PRR5: variants seen among roughly 807,000 people sequenced by gnomAD.
The protein encoded by PRR5 is proline-rich protein 5.
PRR5 carries 25 observed loss-of-function variants against 30.6 expected under a neutral mutation model. The ratio of observed to expected loss-of-function variants is 0.82; its 90% CI spans 0.60 to 1.14. The LOEUF (loss-of-function observed/expected upper bound fraction) is 1.14, where lower values mean the gene tolerates loss of function less well. Ranked by LOEUF, PRR5 falls within the 50% of genes most tolerant of loss-of-function variation. The pLI, the probability that PRR5 is intolerant of heterozygous loss-of-function variation, is 0.00. For missense variants in PRR5, 600 were observed against 547.1 expected (o/e 1.10, Z -0.96); for synonymous variants, 286 against 247.1 (o/e 1.16, Z -1.48).
intron 1 of PRR5, among the ~76,000 whole-genome samples, chr22:44,671,640 G>A (rs1923432471): frequency 6.6e-6 from 1 of 152,138 alleles, no homozygotes; most frequent in Admixed American, 6.5e-5. Flanking sequence ...TGGGAAAATT[G>A]CCTAAGCTCC....
intron 1 of PRR5, among the ~76,000 whole-genome samples, chr22:44,690,417 G>A (rs1170503202): frequency 1.3e-5 from 2 of 152,178 alleles, no homozygotes; most frequent in Non-Finnish European, 2.9e-5. Flanking sequence ...ATTCCATGGT[G>A]GGGTTGGGGG....
At chr22:44,703,975 A>C (rs1408967467) in intron 1 of PRR5, among the ~76,000 whole-genome samples, 1 of 152,176 alleles carries the variant, frequency 6.6e-6, no homozygotes, top group Non-Finnish European at 1.5e-5. Context: ...GGAAAGAGTT[A>C]AATAGACTTA....
chr22:44,727,887 G>A (rs931581517), intron 4 of PRR5, among the ~76,000 whole-genome samples: 7 of 152,230 alleles, frequency 4.6e-5, no homozygotes, highest in Non-Finnish European at 1.0e-4. Flanking sequence ...GGAGACATGG[G>A]GGTTCTGGGA....
intron 1 of PRR5, among the ~76,000 whole-genome samples, chr22:44,706,635 C>T (rs113717832): frequency 6.6e-6 from 1 of 152,232 alleles, no homozygotes; most frequent in Admixed American, 6.5e-5. Flanking sequence ...CTCCAGCGAT[C>T]CTCCCACCTC....
chr22:44,726,534 G>A, intron 3 of PRR5, 43 bp from the exon 4 acceptor site: 1 of 1,613,244 alleles, frequency 6.2e-7, no homozygotes, highest in Non-Finnish European at 8.5e-7. Context: ...ACACCCCCGG[G>A]CATCCACAAG....
intron 2 of PRR5, among the ~76,000 whole-genome samples, chr22:44,718,002 G>A (rs962080625): frequency 1.1e-4 from 16 of 151,442 alleles, no homozygotes; most frequent in Admixed American, 6.6e-4. Flanking sequence ...GGCGTGAGCC[G>A]TTGCACCCAG....
rs12170740 is a variant in PRR5, at chr22:44,693,047, G to A, written c.-10-9445G>A. ...GTGGGACCTTTCCCCATCTGGACAT[G>A]GGGTTTCCTGGAGGTCAAAGCCAGA... On this transcript the variant is annotated intron_variant, in intron 1 of 8. Coordinates refer to the PRR5 transcript ENST00000006251. 5.9e-3 allele frequency among the ~76,000 whole-genome samples: 893 copies of A among 152,264 alleles called. 10 individuals carry two copies. The highest frequency in any genetic ancestry group is 0.02 in the African/African-American group (842 of 41,556).
In PRR5 at chr22:44,702,474, C is replaced by T; in HGVS notation, c.-1C>T. On this transcript the variant is annotated 5_prime_UTR_variant, in exon 1 of 8. Transcript: ENST00000336985. ...GCGCGGCGCAGGCGGCCCGGGTCAC[C>T]ATGAGGACTCTCCGCAGGTTGAAGT... The T allele has an allele frequency of 6.9e-7, 1 of 1,451,068 alleles. No individual in the cohort carries two copies. The highest frequency in any genetic ancestry group is 9.1e-7 in the Non-Finnish European group (1 of 1,097,670). The allele number at this position is 1,451,068 out of a possible 1,614,324, so 89.9% of individuals were successfully genotyped here.
chr22:44,707,077 T>G (rs1322805667), intron 1 of PRR5, among the ~76,000 whole-genome samples: 1 of 152,180 alleles, frequency 6.6e-6, no homozygotes, highest in Non-Finnish European at 1.5e-5. Context: ...GCCATACCCC[T>G]GGCACCCCCA....
intron 4 of PRR5, 26 bp downstream of exon 4, chr22:44,726,660 C>T (rs371114325): frequency 1.2e-6 from 2 of 1,613,918 alleles, no homozygotes; most frequent in Non-Finnish European, 1.7e-6. Flanking sequence ...TTGGCGGCCA[C>T]TCTGGGCCAT....
At chr22:44,696,417 G>C (rs1355697400) in intron 1 of PRR5, among the ~76,000 whole-genome samples, 1 of 152,202 alleles carries the variant, frequency 6.6e-6, no homozygotes, top group African/African-American at 2.4e-5. Flanking sequence ...AAACCGATTG[G>C]TGTTCAAGAC....
chr22:44,735,853 A>C (rs1602107837), intron 7 of PRR5, among the ~76,000 whole-genome samples: 1 of 152,142 alleles, frequency 6.6e-6, no homozygotes, highest in Non-Finnish European at 1.5e-5. Context: ...CTGCTGGTGT[A>C]AAACCTGCCC....
At chr22:44,702,805 C>T (rs1011259231) in intron 1 of PRR5, among the ~76,000 whole-genome samples, 197 bp downstream of exon 1, 68 of 152,184 alleles carry the variant, frequency 4.5e-4, no homozygotes, top group African/African-American at 1.6e-3. Flanking sequence ...GTTCCAGAAC[C>T]CAGGGAAGGG....
intron 2 of PRR5, among the ~76,000 whole-genome samples, chr22:44,715,814 G>A (rs1158047580): frequency 2.0e-5 from 3 of 151,950 alleles, no homozygotes; most frequent in South Asian, 2.1e-4. Context: ...CACCACACCC[G>A]GCTAATTTTT....
intron 1 of PRR5, among the ~76,000 whole-genome samples, chr22:44,680,667 G>A (rs151213170): frequency 5.0e-4 from 76 of 152,296 alleles, no homozygotes; most frequent in African/African-American, 1.6e-3. Context: ...GGGCTGGGAC[G>A]TCTCTCTGAG....
intron 2 of PRR5, among the ~76,000 whole-genome samples, chr22:44,718,192 CTTTTTTTTT>C (rs34868054): frequency 2.1e-5 from 2 of 94,578 alleles, no homozygotes. Flanking sequence ...TTTCATCTCT[CTTTTTTTTT>C]TTTTTTTTTT....
At chr22:44,678,705 G>A (rs911156625) in intron 1 of PRR5, among the ~76,000 whole-genome samples, 5 of 152,122 alleles carry the variant, frequency 3.3e-5, no homozygotes, top group Non-Finnish European at 5.9e-5. Context: ...GCGGACCCAC[G>A]GCCCCCTCAG....
At chr22:44,704,949 G>T (rs1926944183) in intron 1 of PRR5, among the ~76,000 whole-genome samples, 1 of 152,186 alleles carries the variant, frequency 6.6e-6, no homozygotes, top group Non-Finnish European at 1.5e-5. Context: ...GCTCCTAGCG[G>T]TGCTCCCTGC....
intron 1 of PRR5, among the ~76,000 whole-genome samples, chr22:44,694,942 G>A (rs556571945): frequency 4.6e-5 from 7 of 152,178 alleles, no homozygotes; most frequent in African/African-American, 1.4e-4. Context: ...AGGCTGAGAC[G>A]GGCTGATCAC....
Sources: allele counts gnomAD v4.1 joint callset (sites outside exome capture counted in the v4.1 genomes callset), GRCh38; gene constraint gnomAD v4.1.1; transcripts MANE v1.5; gene names NCBI Gene and HGNC (gene_info 2026-07-23, HGNC 2026-07-21).